Variants in DIAPH3 observed in about 807,000 individuals in gnomAD.
DIAPH3 encodes the protein protein diaphanous homolog 3.
DIAPH3 carries 117 observed loss-of-function variants against 144.3 expected under a neutral mutation model. The ratio of observed to expected loss-of-function variants is 0.81; its 90% confidence interval spans 0.70 to 0.95. The LOEUF (loss-of-function observed/expected upper bound fraction) is 0.95. Ranked by LOEUF, DIAPH3 falls within the 40% of genes least tolerant of loss-of-function variation. The pLI is 0.00. For synonymous variants in DIAPH3, 519 were observed against 488.9 expected (o/e 1.06, Z -0.81); for missense variants, 1,421 against 1,412.7 (o/e 1.01, Z -0.09).
intron 22 of DIAPH3, among the ~76,000 whole-genome samples, chr13:59,857,421 T>C (rs1334833899): frequency 6.6e-6 from 1 of 152,048 alleles, no homozygotes; most frequent in Non-Finnish European, 1.5e-5. Context: ...GCTAAAAACA[T>C]ATAAACAGAG....
intron 27 of DIAPH3, among the ~76,000 whole-genome samples, chr13:59,688,203 T>G (rs1264416279): frequency 1.3e-5 from 2 of 152,064 alleles, no homozygotes; most frequent in African/African-American, 4.8e-5. Flanking sequence ...GTTGTCTTTT[T>G]CTCAGCTTGA....
At chr13:59,896,603 A>AG (rs1321739760) in intron 20 of DIAPH3, among the ~76,000 whole-genome samples, 8 of 128,650 alleles carry the variant, frequency 6.2e-5, no homozygotes, top group South Asian at 2.5e-4. Context: ...GGGTGGAGGC[A>AG]GGGGGGTCGG....
chr13:60,044,007 T>C (rs923319128), intron 4 of DIAPH3, among the ~76,000 whole-genome samples: 1 of 151,892 alleles, frequency 6.6e-6, no homozygotes, highest in Non-Finnish European at 1.5e-5. Context: ...TAACCATGCA[T>C]ATACAGGAAA....
intron 24 of DIAPH3, among the ~76,000 whole-genome samples, chr13:59,824,995 AG>A (rs2041300537): frequency 6.6e-6 from 1 of 151,428 alleles, no homozygotes; most frequent in South Asian, 2.1e-4. Context: ...TCCACATAAC[AG>A]CTACATATGT....
Position 59,818,938 on chromosome 13 carries a change from A to C in DIAPH3, c.3028-8015T>G, listed in dbSNP as rs374882959. Among the ~76,000 whole-genome samples, 7 of 151,794 alleles carry C rather than the reference A, an allele frequency of 4.6e-5. No homozygotes were observed. In the South Asian group the frequency reaches 1.0e-3, roughly 23 times the overall value. ...TCCTGTTACTTTTTCTCTTTTTAAAAATTTCATGTTCTATTTCCTTAAATA... is the reference window on the plus strand; with the variant it reads ...TCCTGTTACTTTTTCTCTTTTTAAACATTTCATGTTCTATTTCCTTAAATA... On this transcript the variant is annotated intron_variant, in intron 24 of 27. Coordinates refer to ENST00000400324, the MANE Select transcript of DIAPH3 (RefSeq NM_001042517.2).
chr13:60,142,346 C>A (rs1425997584), intron 1 of DIAPH3, among the ~76,000 whole-genome samples: 1 of 152,040 alleles, frequency 6.6e-6, no homozygotes, highest in African/African-American at 2.4e-5. Flanking sequence ...ATTAGAAATA[C>A]TCTCAAAACA....
intron 17 of DIAPH3, among the ~76,000 whole-genome samples, chr13:59,940,467 C>G (rs1342277308): frequency 2.6e-5 from 4 of 152,192 alleles, no homozygotes; most frequent in Non-Finnish European, 5.9e-5. Context: ...CAGAATACCT[C>G]TGACATCCAG....
intron 4 of DIAPH3, among the ~76,000 whole-genome samples, chr13:60,045,561 C>A (rs1041933182): frequency 1.4e-4 from 21 of 152,114 alleles, no homozygotes; most frequent in African/African-American, 4.8e-4. Context: ...CAGACTATTG[C>A]ATTACTTACT....
Position 59,980,800 on chromosome 13 carries a change from T to C in DIAPH3, c.1540A>G (p.Lys514Glu), listed in dbSNP as rs1178093698. The C allele has an allele frequency of 1.2e-6, 2 of 1,608,856 alleles. No individual in the cohort carries two copies. Residue 514 changes from lysine (K) to glutamate (E), a missense_variant, in exon 14 of 28, where the codon AAG becomes GAG. Physicochemically the swap from Lys to Glu is moderately conservative, Grantham distance 56. Coordinates refer to ENST00000400324, the MANE Select transcript of DIAPH3 (RefSeq NM_001042517.2). ...EFEEKASELY[K>E]KFEKEFTDHQ... ...AGTTAGTGAAAACTACTTACTTTCT[T>C]GTAAAGTTCTGATGCTTTCTCTTCA...
At chr13:60,058,689 CACACAT>C (rs1231328922) in intron 4 of DIAPH3, among the ~76,000 whole-genome samples, 2 of 151,832 alleles carry the variant, frequency 1.3e-5, no homozygotes, top group African/African-American at 2.4e-5. Context: ...TATATATATA[CACACAT>C]ACACATACAC....
At chr13:60,066,630 C>T (rs983767493) in intron 4 of DIAPH3, among the ~76,000 whole-genome samples, 4 of 152,200 alleles carry the variant, frequency 2.6e-5, no homozygotes, top group East Asian at 1.9e-4. Flanking sequence ...TTATAAATCA[C>T]TTTTATTCAT....
At chr13:59,896,586 G>C (rs184688730) in intron 20 of DIAPH3, among the ~76,000 whole-genome samples, 2 of 150,848 alleles carry the variant, frequency 1.3e-5, no homozygotes, top group East Asian at 3.9e-4. Context: ...TTTGGTGGGG[G>C]AGGCGGGGGT....
At chr13:59,684,735 A>G (rs527605721) in intron 27 of DIAPH3, among the ~76,000 whole-genome samples, 154 of 152,332 alleles carry the variant, frequency 1.0e-3, no homozygotes, top group African/African-American at 3.5e-3. Flanking sequence ...GAGTCATAGA[A>G]GCTTTGGGAA....
At chr13:59,800,026 G>GAAA (rs66937412) in intron 25 of DIAPH3, among the ~76,000 whole-genome samples, 114 of 10,908 alleles carry the variant, frequency 0.01, no homozygotes, top group African/African-American at 0.023. Context: ...ACTTCTTTTT[G>GAAA]AAGTTTCTAG....
Position 60,117,605 on chromosome 13 carries a change from C to A in DIAPH3, c.214-5419G>T, listed in dbSNP as rs1025200850. Among the ~76,000 whole-genome samples the A allele has an allele frequency of 1.3e-5, 2 of 152,036 alleles. 1 individual carries two copies. The highest frequency in any genetic ancestry group is 4.1e-4 in the South Asian group (2 of 4,820). Reference sequence around the variant, plus strand: ...CACAAAGTGAGCTTTACTATCAAATCATTTTACATGTTATAAAAGAAGTTT... The same window carrying A: ...CACAAAGTGAGCTTTACTATCAAATAATTTTACATGTTATAAAAGAAGTTT... On this transcript the variant is annotated intron_variant, in intron 2 of 27. Transcript: ENST00000400324.
intron 5 of DIAPH3, among the ~76,000 whole-genome samples, chr13:60,035,005 T>C (rs1160336313): frequency 6.6e-6 from 1 of 151,936 alleles, no homozygotes; most frequent in East Asian, 1.9e-4. Flanking sequence ...TAAACAGCTA[T>C]ATTTTAAATA....
chr13:59,973,310 C>A (rs1190211298), intron 15 of DIAPH3, among the ~76,000 whole-genome samples: 1 of 151,936 alleles, frequency 6.6e-6, no homozygotes, highest in African/African-American at 2.4e-5. Context: ...TACGTTACCC[C>A]AGACCAAGAA....
At chr13:60,116,053 G>A (rs1408346583) in intron 2 of DIAPH3, among the ~76,000 whole-genome samples, 1 of 152,048 alleles carries the variant, frequency 6.6e-6, no homozygotes, top group Non-Finnish European at 1.5e-5. Flanking sequence ...ATTTTTTCAG[G>A]CTGTAGGGAA....
chr13:59,910,676 T>C (rs1451402935), intron 20 of DIAPH3, among the ~76,000 whole-genome samples: 2 of 150,220 alleles, frequency 1.3e-5, no homozygotes, highest in Non-Finnish European at 3.0e-5. Context: ...TTTTGGTGAG[T>C]CGAGATTGCA....
Sources: gnomAD v4.1 joint callset for allele counts (sites outside exome capture counted in the v4.1 genomes callset) on GRCh38, gnomAD v4.1.1 for gene constraint, MANE v1.5 for transcripts, NCBI Gene and HGNC (gene_info 2026-07-23, HGNC 2026-07-21) for gene names.